VWA5B1: variants seen among roughly 807,000 people sequenced by gnomAD.
VWA5B1 encodes von Willebrand factor A domain-containing protein 5B1.
In VWA5B1, 115 loss-of-function variants were observed where a neutral mutation model predicts 118.2. That is an observed-to-expected ratio of 0.97 (90% CI 0.84 to 1.14). The LOEUF is 1.14. Ranked by LOEUF, VWA5B1 falls within the 50% of genes most tolerant of loss-of-function variation. The pLI, the probability that VWA5B1 is intolerant of heterozygous loss-of-function variation, is 0.00. For synonymous variants in VWA5B1, 682 were observed against 658.4 expected (o/e 1.04, Z -0.55); for missense variants, 1,596 against 1,603.8 (o/e 1.00, Z 0.08).
intron 14 of VWA5B1, among the ~76,000 whole-genome samples, chr1:20,340,836 A>G (rs2089857221): frequency 6.6e-6 from 1 of 152,260 alleles, no homozygotes; most frequent in African/African-American, 2.4e-5. Flanking sequence ...TACTACACAC[A>G]CAAACACATG....
At chr1:20,340,260 ACT>A (rs2089841087) in intron 14 of VWA5B1, among the ~76,000 whole-genome samples, 1 of 151,686 alleles carries the variant, frequency 6.6e-6, no homozygotes, top group African/African-American at 2.4e-5. Flanking sequence ...TGGATCTTAG[ACT>A]CATCTGTTGC....
At chr1:20,300,086 C>T (rs1201003206) in intron 1 of VWA5B1, among the ~76,000 whole-genome samples, 1 of 152,204 alleles carries the variant, frequency 6.6e-6, no homozygotes, top group Non-Finnish European at 1.5e-5. Flanking sequence ...CCTGGCTCTA[C>T]ACCCACTCAC....
At chr1:20,350,708 G>A (rs1293376621) in intron 19 of VWA5B1, 149 bp from the exon 20 acceptor site, 46 of 729,996 alleles carry the variant, frequency 6.3e-5, no homozygotes. Flanking sequence ...TGGAGCGGAA[G>A]GAGCTCCACA....
Position 20,353,945 on chromosome 1 carries a change from G to T in VWA5B1, c.3330G>T (p.Pro1110=). Residue 1110 remains proline (P), a synonymous_variant, in exon 22 of 22, where the codon CCG becomes CCT. Transcript: ENST00000289815. ...GCACCAGCTCCCCGCCTAGGCACCCGTCCTGTGACAGCTTCTCCCTGGAGC... is the reference window on the plus strand; with the variant it reads ...GCACCAGCTCCCCGCCTAGGCACCCTTCCTGTGACAGCTTCTCCCTGGAGC... ...QLCTSSPPRH[P]SCDSFSLEPL... is the part of the protein sequence containing the mutation. 1 of 1,551,398 alleles carries T rather than the reference G, an allele frequency of 6.4e-7. No homozygotes were observed. Among genetic ancestry groups the T allele is most frequent in the Non-Finnish European group, 8.7e-7 (1 of 1,146,778 alleles).
chr1:20,293,564 G>A (rs2088351663), intron 1 of VWA5B1, among the ~76,000 whole-genome samples: 1 of 152,204 alleles, frequency 6.6e-6, no homozygotes, highest in Admixed American at 6.5e-5. Context: ...ACAGACACAG[G>A]TTTCTCGTGG....
At chr1:20,311,133 C>T (rs1462955717) in intron 2 of VWA5B1, among the ~76,000 whole-genome samples, 3 of 152,210 alleles carry the variant, frequency 2.0e-5, no homozygotes, top group African/African-American at 7.2e-5. Context: ...CCACCACACC[C>T]AACTAATTTT....
intron 1 of VWA5B1, among the ~76,000 whole-genome samples, chr1:20,299,821 G>T (rs1457851911): frequency 6.6e-6 from 1 of 152,228 alleles, no homozygotes; most frequent in Non-Finnish European, 1.5e-5. Context: ...TGGGGAAGAT[G>T]CTGTCTCCTT....
chr1:20,302,256 C>G (rs2088522820), intron 1 of VWA5B1, among the ~76,000 whole-genome samples: 1 of 152,078 alleles, frequency 6.6e-6, no homozygotes, highest in Non-Finnish European at 1.5e-5. Flanking sequence ...CTGCCCCCAC[C>G]AAAGGAGACT....
chr1:20,301,995 G>A (rs538096768), intron 1 of VWA5B1, among the ~76,000 whole-genome samples: 7 of 152,016 alleles, frequency 4.6e-5, no homozygotes, highest in Non-Finnish European at 5.9e-5. Context: ...CTTTTCACAC[G>A]CTTAGCCCAG....
Position 20,359,087 on chromosome 1 carries a change from C to T in VWA5B1, c.*4824C>T, listed in dbSNP as rs2090278191. Reference sequence around the variant, plus strand: ...GCTGCAAATCTCCTTGGCTCAGGGCCAGCCGTTTTGAGCTTACAGCCACGT... The same window carrying T: ...GCTGCAAATCTCCTTGGCTCAGGGCTAGCCGTTTTGAGCTTACAGCCACGT... On this transcript the variant is annotated 3_prime_UTR_variant, in exon 22 of 22. Coordinates refer to ENST00000289815, the MANE Select transcript of VWA5B1 (RefSeq NM_001039500.3). 6.6e-6 allele frequency among the ~76,000 whole-genome samples: 1 copy of T among 152,242 alleles called. No homozygotes were observed. Among genetic ancestry groups the T allele is most frequent in the African/African-American group, 2.4e-5 (1 of 41,462 alleles).
chr1:20,329,981 A>G lies in VWA5B1; in HGVS notation c.1255-199A>G, dbSNP rs143416406. Among the ~76,000 whole-genome samples, 249 of 152,306 alleles carry G rather than the reference A, an allele frequency of 1.6e-3. 2 individuals carry two copies. The highest frequency in any genetic ancestry group is 5.7e-3 in the African/African-American group (235 of 41,578). On this transcript the variant is annotated intron_variant, in intron 9 of 21. Coordinates refer to ENST00000289815, the MANE Select transcript of VWA5B1 (RefSeq NM_001039500.3). ...ACTGGTTGGTGTTTCAGGCATTGGT[A>G]GGGGGTGCTGTTGAGCAGGATGACA...
At chr1:20,325,981 G>C (rs957110412) in intron 8 of VWA5B1, among the ~76,000 whole-genome samples, 1 of 152,188 alleles carries the variant, frequency 6.6e-6, no homozygotes, top group Non-Finnish European at 1.5e-5. Flanking sequence ...ATTTCCTGCA[G>C]CTGGTCTCAT....
intron 15 of VWA5B1, 73 bp from the exon 16 acceptor site, chr1:20,343,006 G>T: frequency 6.9e-7 from 1 of 1,455,466 alleles, no homozygotes; most frequent in South Asian, 1.4e-5. Flanking sequence ...CCCTGGGGAG[G>T]AATGATGTCC....
intron 14 of VWA5B1, among the ~76,000 whole-genome samples, chr1:20,342,129 C>CAA (rs60635945): frequency 0.026 from 3,628 of 139,120 alleles, 126 homozygotes; most frequent in African/African-American, 0.084. Flanking sequence ...AACTTTATGG[C>CAA]AAAAAAAAAA....
At chr1:20,316,609 G>A (rs1249917825) in intron 4 of VWA5B1, among the ~76,000 whole-genome samples, 1 of 152,216 alleles carries the variant, frequency 6.6e-6, no homozygotes, top group African/African-American at 2.4e-5. Flanking sequence ...AGACAGAACA[G>A]GATGGGAGAT....
Position 20,342,519 on chromosome 1 carries a change from T to G in VWA5B1, c.2221T>G (p.Cys741Gly). ...ARRPSLLPQG[C>G]QPFLPWGQET... ...AAGGCCCTCTCTGCTGCCCCAAGGCTGCCAGCCCTTCCTGCCCTGGGGCCA... is the reference window on the plus strand; with the variant it reads ...AAGGCCCTCTCTGCTGCCCCAAGGCGGCCAGCCCTTCCTGCCCTGGGGCCA... The change falls in exon 15 of 22, where the codon TGC becomes GGC. Residue 741 changes from cysteine (C) to glycine (G), a missense_variant. By Grantham distance (159) the Cys-to-Gly change is radical. Coordinates refer to ENST00000289815, the MANE Select transcript of VWA5B1 (RefSeq NM_001039500.3). The G allele has an allele frequency of 6.5e-7, 1 of 1,550,246 alleles. No individual in the cohort carries two copies. Among genetic ancestry groups the G allele is most frequent in the Non-Finnish European group, 8.7e-7 (1 of 1,146,482 alleles).
chr1:20,308,938 T>C (rs1383916782), intron 1 of VWA5B1, among the ~76,000 whole-genome samples: 2 of 152,184 alleles, frequency 1.3e-5, no homozygotes, highest in African/African-American at 2.4e-5. Flanking sequence ...AAGCTTTGCC[T>C]GGCACCTACC....
intron 1 of VWA5B1, among the ~76,000 whole-genome samples, chr1:20,299,391 G>T (rs1422914419): frequency 6.6e-6 from 1 of 152,016 alleles, no homozygotes; most frequent in Non-Finnish European, 1.5e-5. Context: ...TCCAGTTTTG[G>T]TTTTTTGTTT....
intron 1 of VWA5B1, among the ~76,000 whole-genome samples, chr1:20,307,065 C>G (rs1258403587): frequency 6.6e-6 from 1 of 152,138 alleles, no homozygotes; most frequent in Non-Finnish European, 1.5e-5. Flanking sequence ...CAGCTCTTTT[C>G]CAGATGTAGC....
Sources: gnomAD v4.1 joint callset for allele counts (sites outside exome capture counted in the v4.1 genomes callset) on GRCh38, gnomAD v4.1.1 for gene constraint, MANE v1.5 for transcripts, NCBI Gene and HGNC (gene_info 2026-07-23, HGNC 2026-07-21) for gene names.